CNTNAP2: variants seen among roughly 807,000 people sequenced by gnomAD.
CNTNAP2 encodes the protein contactin-associated protein-like 2.
A neutral mutation model predicts 155.2 loss-of-function variants in CNTNAP2; 98 were observed. The observed-to-expected ratio is 0.63, with a 90% CI of 0.54 to 0.75. CNTNAP2 has a LOEUF of 0.75. Among genes scored for constraint, CNTNAP2 ranks in the 30% least tolerant of loss-of-function variants. CNTNAP2 has a pLI of 0.00. For synonymous variants in CNTNAP2, 651 were observed against 631.2 expected (o/e 1.03, Z -0.47); for missense variants, 1,727 against 1,688.1 (o/e 1.02, Z -0.40).
chr7:146,511,814 C>G (rs1167405389), intron 1 of CNTNAP2, among the ~76,000 whole-genome samples: 1 of 152,092 alleles, frequency 6.6e-6, no homozygotes. Flanking sequence ...AGTATTTCAT[C>G]CTCTTAAATA....
chr7:148,212,988 A>G (rs1044571747), intron 18 of CNTNAP2, among the ~76,000 whole-genome samples: 2 of 152,060 alleles, frequency 1.3e-5, no homozygotes, highest in African/African-American at 4.8e-5. Context: ...ATATTTTTGG[A>G]TTGTTTATCT....
At chr7:146,918,656 C>A (rs566187219) in intron 3 of CNTNAP2, among the ~76,000 whole-genome samples, 1 of 152,278 alleles carries the variant, frequency 6.6e-6, no homozygotes, top group South Asian at 2.1e-4. Context: ...GACAATGTGC[C>A]TAGGCAGTGA....
At chr7:146,877,365 T>G (rs1472262064) in intron 3 of CNTNAP2, among the ~76,000 whole-genome samples, 1 of 151,794 alleles carries the variant, frequency 6.6e-6, no homozygotes. Flanking sequence ...ATTAGCCTAG[T>G]GTGGTGCCAT....
intron 3 of CNTNAP2, among the ~76,000 whole-genome samples, chr7:146,907,388 G>T (rs910746269): frequency 6.1e-5 from 9 of 148,328 alleles, no homozygotes; most frequent in Non-Finnish European, 1.2e-4. Context: ...AAATGTTAAG[G>T]GCAGCCAGAG....
chr7:148,241,192 T>A (rs750401645), intron 20 of CNTNAP2, among the ~76,000 whole-genome samples: 2 of 152,236 alleles, frequency 1.3e-5, no homozygotes, highest in African/African-American at 2.4e-5. Flanking sequence ...TCTTTTCTAA[T>A]GCAGTTTGTG....
At chr7:146,923,097 C>G (rs149187318) in intron 3 of CNTNAP2, among the ~76,000 whole-genome samples, 2 of 152,248 alleles carry the variant, frequency 1.3e-5, no homozygotes, top group Non-Finnish European at 2.9e-5. Flanking sequence ...GCTGGGTGAT[C>G]TGGGGCAAGT....
intron 1 of CNTNAP2, among the ~76,000 whole-genome samples, chr7:146,359,829 C>T (rs191928756): frequency 1.8e-4 from 28 of 152,002 alleles, no homozygotes; most frequent in Admixed American, 3.9e-4. Flanking sequence ...CATGTGTGGG[C>T]GTGTGAAGTT....
chr7:148,044,012 T>C (rs1317733546), intron 15 of CNTNAP2, among the ~76,000 whole-genome samples: 4 of 152,210 alleles, frequency 2.6e-5, no homozygotes, highest in African/African-American at 9.6e-5. Context: ...TGGTTAAAGA[T>C]ACGTTTCACT....
chr7:147,313,830 T>C (rs1282306175), intron 9 of CNTNAP2, among the ~76,000 whole-genome samples: 1 of 151,730 alleles, frequency 6.6e-6, no homozygotes, highest in Non-Finnish European at 1.5e-5. Flanking sequence ...GGGGATGGCA[T>C]TGAATCTATA....
chr7:146,412,662 A>G (rs1005553937), intron 1 of CNTNAP2, among the ~76,000 whole-genome samples: 1 of 152,178 alleles, frequency 6.6e-6, no homozygotes, highest in African/African-American at 2.4e-5. Flanking sequence ...GGTGCATATT[A>G]AAGTTGTGGT....
At chr7:146,133,536 T>A (rs1325272195) in intron 1 of CNTNAP2, among the ~76,000 whole-genome samples, 1 of 152,236 alleles carries the variant, frequency 6.6e-6, no homozygotes, top group Non-Finnish European at 1.5e-5. Context: ...CTAGGGTTTT[T>A]ATGGTTTTAG....
chr7:148,321,785 C>A (rs2116537425), intron 21 of CNTNAP2, among the ~76,000 whole-genome samples: 1 of 151,844 alleles, frequency 6.6e-6, no homozygotes, highest in Non-Finnish European at 1.5e-5. Flanking sequence ...CTTCTAGGCA[C>A]ATTACTCTGG....
In CNTNAP2 at chr7:146,552,626, C is replaced by T. The variant is rs535905938; in HGVS notation, c.98-221645C>T. 3.3e-5 allele frequency among the ~76,000 whole-genome samples: 5 copies of T among 152,084 alleles called. No homozygotes were observed. The South Asian group carries it at 1.0e-3, about 32-fold the overall frequency. On this transcript the variant is annotated intron_variant, in intron 1 of 23. Transcript: ENST00000361727. ...AACGACTTTCCTTCTTTCTTTCCTC[C>T]CCCTAACGACTTTCCTTCTCTCTTA...
At chr7:147,412,743 A>G (rs546548378) in intron 10 of CNTNAP2, among the ~76,000 whole-genome samples, 1 of 152,276 alleles carries the variant, frequency 6.6e-6, no homozygotes, top group Non-Finnish European at 1.5e-5. Context: ...TGAGTGAAAT[A>G]GAATTAAAAC....
intron 1 of CNTNAP2, among the ~76,000 whole-genome samples, chr7:146,423,317 T>A (rs1796039677): frequency 6.6e-6 from 1 of 152,176 alleles, no homozygotes; most frequent in Non-Finnish European, 1.5e-5. Flanking sequence ...TTTCCTTAGC[T>A]GTTTTGTTCA....
At chr7:146,584,461 C>A (rs889203980) in intron 1 of CNTNAP2, among the ~76,000 whole-genome samples, 10 of 152,214 alleles carry the variant, frequency 6.6e-5, no homozygotes, top group African/African-American at 2.4e-4. Context: ...TAATTTGGAA[C>A]ATGAGCTGGG....
intron 3 of CNTNAP2, among the ~76,000 whole-genome samples, chr7:146,850,754 A>T (rs1190581754): frequency 1.3e-5 from 2 of 152,078 alleles, no homozygotes; most frequent in African/African-American, 4.8e-5. Flanking sequence ...TCCTGTTTTA[A>T]GGAACATACC....
At chr7:146,645,775 G>A (rs1799801476) in intron 1 of CNTNAP2, among the ~76,000 whole-genome samples, 1 of 151,974 alleles carries the variant, frequency 6.6e-6, no homozygotes. Flanking sequence ...TACCCAGTGT[G>A]TGTGTGTGTG....
chr7:147,451,830 C>T (rs1028671812), intron 10 of CNTNAP2, among the ~76,000 whole-genome samples: 9 of 151,808 alleles, frequency 5.9e-5, no homozygotes, highest in Non-Finnish European at 1.2e-4. Flanking sequence ...AAGGTGGAAC[C>T]TTTAAAAAGT....
Sources: allele counts gnomAD v4.1 joint callset (sites outside exome capture counted in the v4.1 genomes callset), GRCh38; gene constraint gnomAD v4.1.1; transcripts MANE v1.5; gene names NCBI Gene and HGNC (gene_info 2026-07-23, HGNC 2026-07-21).